Variants in SMAD5 observed in about 807,000 individuals in gnomAD.
The protein encoded by SMAD5 is MAD, mothers against decapentaplegic homolog 5.
A neutral mutation model predicts 43.1 loss-of-function variants in SMAD5; 9 were observed. That is an observed-to-expected ratio of 0.21 (90% CI 0.13 to 0.36). The LOEUF (loss-of-function observed/expected upper bound fraction) is 0.36, where lower values mean the gene tolerates loss of function less well. SMAD5 is among the 10% of genes least tolerant of loss of function. The pLI is 1.00. For missense variants in SMAD5, 348 were observed against 574.0 expected, an observed-to-expected ratio of 0.61 and a Z score of 4.02; for synonymous variants, 190 against 192.4, an observed-to-expected ratio of 0.99 and a Z score of 0.10.
intron 2 of SMAD5, among the ~76,000 whole-genome samples, chr5:136,148,159 C>T (rs745633687): frequency 6.6e-6 from 1 of 151,544 alleles, no homozygotes; most frequent in Non-Finnish European, 1.5e-5. Flanking sequence ...AATAATGGAT[C>T]AAGTGTGAAT....
chr5:136,172,189 C>G (rs1013704526), intron 5 of SMAD5, among the ~76,000 whole-genome samples: 1 of 152,146 alleles, frequency 6.6e-6, no homozygotes, highest in Non-Finnish European at 1.5e-5. Flanking sequence ...TATTTTATAG[C>G]CTGAGCAAGC....
intron 1 of SMAD5, among the ~76,000 whole-genome samples, chr5:136,144,003 A>G (rs1753179939): frequency 6.6e-6 from 1 of 152,076 alleles, no homozygotes; most frequent in East Asian, 1.9e-4. Context: ...TAAATACCTC[A>G]TAAACCAGAG....
At chr5:136,151,863 C>T (rs1222662331) in intron 2 of SMAD5, among the ~76,000 whole-genome samples, 1 of 152,036 alleles carries the variant, frequency 6.6e-6, no homozygotes, top group Non-Finnish European at 1.5e-5. Flanking sequence ...GACAACCAAA[C>T]CATGGTTTTA....
intron 4 of SMAD5, 89 bp downstream of exon 4, chr5:136,161,196 C>CATGCCAACTGTTATT (rs1753816648): frequency 4.4e-6 from 5 of 1,138,030 alleles, no homozygotes; most frequent in African/African-American, 1.9e-5. Flanking sequence ...TGAACTGTTA[C>CATGCCAACTGTTATT]ATGCCAAGGT....
intron 1 of SMAD5, among the ~76,000 whole-genome samples, chr5:136,145,489 A>AAAAATTTTAAGTTAT (rs1753230070): frequency 1.3e-5 from 2 of 152,072 alleles, no homozygotes; most frequent in South Asian, 2.1e-4. Flanking sequence ...TACTGTGAAT[A>AAAAATTTTAAGTTAT]AAAATTTTAA....
rs866115675 is a variant in SMAD5, at chr5:136,164,301, C to T, written c.775+910C>T. On this transcript the variant is annotated intron_variant, in intron 5 of 7. Transcript: ENST00000545279. ...TTGCTGAATAACATGGTAAGTTTAA[C>T]TACTTAAGAAAACTATAAAACTTCT... Among the ~76,000 whole-genome samples the T allele has an allele frequency of 3.3e-5, 5 of 152,160 alleles. 1 individual carries two copies. The South Asian group carries it at 8.3e-4, about 25-fold the overall frequency.
chr5:136,157,530 C>T (rs1753679515), intron 3 of SMAD5, among the ~76,000 whole-genome samples: 2 of 152,172 alleles, frequency 1.3e-5, no homozygotes, highest in Admixed American at 6.5e-5. Flanking sequence ...GAGCCCTGAG[C>T]TTGTTTACCT....
intron 5 of SMAD5, among the ~76,000 whole-genome samples, chr5:136,165,421 T>G (rs6866307): frequency 0.36 from 54,250 of 151,928 alleles, 10,580 homozygotes; most frequent in African/African-American, 0.53. Context: ...ATAACATAAA[T>G]TTTACCATCT....
intron 2 of SMAD5, among the ~76,000 whole-genome samples, chr5:136,153,041 G>T (rs187168234): frequency 1.3e-5 from 2 of 152,178 alleles, no homozygotes; most frequent in African/African-American, 4.8e-5. Context: ...TTATTTGAGG[G>T]TTTGGTACAT....
chr5:136,176,942 A>G (rs1754441883), intron 7 of SMAD5, among the ~76,000 whole-genome samples: 1 of 152,164 alleles, frequency 6.6e-6, no homozygotes, highest in African/African-American at 2.4e-5. Context: ...TGTCTACAGT[A>G]ATTATTACTG....
At position 136,132,940 on chromosome 5, in the gene SMAD5, G is replaced by T. The variant is rs939994789; in HGVS notation, c.-267G>T. 9.8e-5 allele frequency: 15 copies of T among 152,386 alleles called. 1 individual carries two copies. The highest frequency in any genetic ancestry group is 3.6e-4 in the African/African-American group (15 of 41,584). The allele number at this position is 152,386 out of a possible 1,614,324, so 9.4% of individuals were successfully genotyped here. A position where few individuals can be genotyped will look rare whatever the true frequency, so the allele number is the denominator to read the frequency against. On this transcript the variant is annotated 5_prime_UTR_variant, in exon 1 of 8. Coordinates refer to ENST00000545279, the MANE Select transcript of SMAD5 (RefSeq NM_005903.7). ...GAGAAGCGCAGCGACGGCGTCGGGAGAGCGCGCCTAGCCGGCTCGCGAGTG... is the reference window on the plus strand; with the variant it reads ...GAGAAGCGCAGCGACGGCGTCGGGATAGCGCGCCTAGCCGGCTCGCGAGTG...
At chr5:136,142,846 A>G (rs1053561646) in intron 1 of SMAD5, among the ~76,000 whole-genome samples, 2 of 152,186 alleles carry the variant, frequency 1.3e-5, no homozygotes, top group African/African-American at 2.4e-5. Flanking sequence ...TAAATGGCAT[A>G]TGAAACTCTT....
rs535455595 is a variant in SMAD5, at chr5:136,163,595, AG to A, written c.775+206del. 3.9e-4 allele frequency among the ~76,000 whole-genome samples: 60 copies of A among 152,334 alleles called. 1 individual carries two copies. In the South Asian group the frequency reaches 0.012, roughly 30 times the overall value. On this transcript the variant is annotated intron_variant, in intron 5 of 7. Coordinates refer to ENST00000545279, the MANE Select transcript of SMAD5 (RefSeq NM_005903.7). The stretch of plus-strand genomic sequence containing the variant: ...AGAATATTTCCCTAACTCTTTAAAA[AG>A]GTTTCTCTGCGTATTTGCAGTCTAT...
chr5:136,140,209 G>A (rs1209250102), intron 1 of SMAD5, among the ~76,000 whole-genome samples: 1 of 152,018 alleles, frequency 6.6e-6, no homozygotes, highest in Non-Finnish European at 1.5e-5. Flanking sequence ...TTTTCGTAGA[G>A]ACGGGGTTTC....
At chr5:136,161,238 G>C in intron 4 of SMAD5, 131 bp downstream of exon 4, 4 of 803,698 alleles carry the variant, frequency 5.0e-6, no homozygotes, top group Non-Finnish European at 7.8e-6. Context: ...TTATTCTTTA[G>C]GTAATTGTTT....
chr5:136,149,763 T>C (rs1753389445), intron 2 of SMAD5, among the ~76,000 whole-genome samples: 1 of 151,904 alleles, frequency 6.6e-6, no homozygotes, highest in Non-Finnish European at 1.5e-5. Flanking sequence ...GTTTGGGAAG[T>C]ATAGAAAACA....
chr5:136,140,331 G>C (rs1362457006), intron 1 of SMAD5, among the ~76,000 whole-genome samples: 1 of 152,166 alleles, frequency 6.6e-6, no homozygotes, highest in South Asian at 2.1e-4. Context: ...TGTGCTCAGA[G>C]CTCTCCACTG....
chr5:136,155,306 A>G (rs553982860), intron 3 of SMAD5, among the ~76,000 whole-genome samples: 2 of 152,296 alleles, frequency 1.3e-5, no homozygotes, highest in South Asian at 2.1e-4. Context: ...CTTAAATCCT[A>G]TATTTAAAAT....
intron 1 of SMAD5, among the ~76,000 whole-genome samples, chr5:136,139,804 T>A (rs1015885247): frequency 6.6e-6 from 1 of 152,098 alleles, no homozygotes; most frequent in African/African-American, 2.4e-5. Context: ...CAAGTGATCC[T>A]CCCACCTCAG....
Sources: allele counts gnomAD v4.1 joint callset (sites outside exome capture counted in the v4.1 genomes callset), GRCh38; gene constraint gnomAD v4.1.1; transcripts MANE v1.5; gene names NCBI Gene and HGNC (gene_info 2026-07-23, HGNC 2026-07-21).